The following MED31 variants were observed in gnomAD, a reference collection of about 807,000 sequenced individuals.
MED31 encodes the protein mediator complex subunit 31.
In MED31, 11 loss-of-function variants were observed where a neutral mutation model predicts 22.0. The observed-to-expected ratio is 0.50, with a 90% CI of 0.31 to 0.83. The LOEUF (loss-of-function observed/expected upper bound fraction) is 0.83, where lower values mean the gene tolerates loss of function less well. Ranked by LOEUF, MED31 falls within the 40% of genes least tolerant of loss-of-function variation. MED31 has a pLI of 0.04. For missense variants in MED31, 122 were observed against 155.3 expected, an observed-to-expected ratio of 0.79 and a Z score of 1.14; for synonymous variants, 60 against 55.1, an observed-to-expected ratio of 1.09 and a Z score of -0.40.
chr17:6,650,985 G>C (rs1185724345), intron 1 of MED31, among the ~76,000 whole-genome samples: 1 of 151,562 alleles, frequency 6.6e-6, no homozygotes, highest in Non-Finnish European at 1.5e-5. Context: ...GCCGGGAGCG[G>C]TGGCGGGCTC....
At chr17:6,650,171 C>A in intron 2 of MED31, 93 bp from the exon 3 acceptor site, 1 of 1,294,874 alleles carries the variant, frequency 7.7e-7, no homozygotes, top group Non-Finnish European at 1.1e-6. Context: ...TTACATAACA[C>A]CCCCACCACC....
chr17:6,651,521 G>C lies in MED31; in HGVS notation c.8C>G (p.Ala3Gly), dbSNP rs765183572. Residue 3 changes from alanine to glycine, a missense_variant, in exon 1 of 4, where the codon GCT becomes GGT. Transcript: ENST00000225728. Reference protein sequence around the residue: MAAAVAMETDDAG... With the variant: MAGAVAMETDDAG... The stretch of plus-strand genomic sequence containing the variant: ...CTCACCTGTCTCCATAGCGACAGCA[G>C]CGGCCATAACAAACGAAGACACCAA... 5.0e-6 allele frequency: 8 copies of C among 1,613,908 alleles called. No homozygotes were observed. In the Admixed American group the frequency reaches 1.3e-4, roughly 27 times the overall value.
intron 3 of MED31, among the ~76,000 whole-genome samples, chr17:6,646,683 G>C (rs1972771378): frequency 6.6e-6 from 1 of 152,340 alleles, no homozygotes; most frequent in East Asian, 1.9e-4. Flanking sequence ...AAGGCCGCAG[G>C]GACCCCTGCC....
intron 3 of MED31, among the ~76,000 whole-genome samples, chr17:6,646,125 G>A (rs1479651823): frequency 6.6e-6 from 1 of 152,084 alleles, no homozygotes; most frequent in African/African-American, 2.4e-5. Context: ...TGCAACATAC[G>A]GGCCTAGACT....
At chr17:6,649,683 G>C (rs780712475) in intron 3 of MED31, among the ~76,000 whole-genome samples, 7 of 152,192 alleles carry the variant, frequency 4.6e-5, no homozygotes, top group Non-Finnish European at 8.8e-5. Context: ...TTCTAAGCAA[G>C]AAAGTAAAGT....
chr17:6,646,510 C>G (rs965416041), intron 3 of MED31, among the ~76,000 whole-genome samples: 3 of 152,164 alleles, frequency 2.0e-5, no homozygotes, highest in African/African-American at 4.8e-5. Flanking sequence ...AATTTAGCCC[C>G]AACTCTGTGC....
At position 6,650,711 on chromosome 17, in the gene MED31, A is replaced by C. The variant is rs564657294; in HGVS notation, c.29-278T>G. Among the ~76,000 whole-genome samples, 5 of 152,332 alleles carry C rather than the reference A, an allele frequency of 3.3e-5. No individual in the cohort carries two copies. The South Asian group carries it at 1.0e-3, about 32-fold the overall frequency. On this transcript the variant is annotated intron_variant, in intron 1 of 3. Coordinates refer to ENST00000225728, the MANE Select transcript of MED31 (RefSeq NM_016060.3). ...ACCACTCGTGGGCCACTATGTAGGA[A>C]TTTTAACAGTGATCACTAAGGTAGG...
At chr17:6,646,607 A>G (rs1306226316) in intron 3 of MED31, among the ~76,000 whole-genome samples, 3 of 152,250 alleles carry the variant, frequency 2.0e-5, no homozygotes, top group Non-Finnish European at 4.4e-5. Context: ...GTTTGCAGGC[A>G]GTATGCTTGG....
intron 3 of MED31, 61 bp from the exon 4 acceptor site, chr17:6,644,720 A>G: frequency 6.8e-7 from 1 of 1,465,460 alleles, no homozygotes; most frequent in Non-Finnish European, 9.0e-7. Flanking sequence ...CCAAGGTATA[A>G]TTCAGTTATT....
chr17:6,647,834 A>C (rs1378307589), intron 3 of MED31, among the ~76,000 whole-genome samples: 4 of 152,250 alleles, frequency 2.6e-5, no homozygotes, highest in Non-Finnish European at 5.9e-5. Flanking sequence ...CTGTAAAATA[A>C]TGTGACAACC....
intron 1 of MED31, among the ~76,000 whole-genome samples, chr17:6,650,963 C>CA (rs1208134657): frequency 1.4e-4 from 21 of 150,692 alleles, no homozygotes; most frequent in African/African-American, 4.9e-4. Context: ...ACTAAAAATA[C>CA]AAAAAAAATT....
chr17:6,644,021 G>A lies in MED31; in HGVS notation c.*446C>T, dbSNP rs549442180. The stretch of plus-strand genomic sequence containing the variant: ...CCTGTCCTATGATTTAAAGAGGTCA[G>A]TGACTCCGCTACTCTCACTACATCT... On this transcript the variant is annotated 3_prime_UTR_variant, in exon 4 of 4. Coordinates refer to ENST00000225728, the MANE Select transcript of MED31 (RefSeq NM_016060.3). The A allele has an allele frequency of 2.0e-4, 81 of 399,954 alleles. No individual in the cohort carries two copies. Among genetic ancestry groups the A allele is most frequent in the Admixed American group, 4.3e-4 (10 of 23,078 alleles). 24.8% of individuals were successfully genotyped at this position (399,954 alleles called of 1,614,324 possible). A position where few individuals can be genotyped will look rare whatever the true frequency, so the allele number is the denominator to read the frequency against.
rs897326373 is a variant in MED31, at chr17:6,645,958, C to T, written c.204-1299G>A. ...ATATGGAGAAACCTAGACGGTACCACCCTCAACCAAGTTACCAAAATTTAC... is the reference window on the plus strand; with the variant it reads ...ATATGGAGAAACCTAGACGGTACCATCCTCAACCAAGTTACCAAAATTTAC... On this transcript the variant is annotated intron_variant, in intron 3 of 3. Transcript: ENST00000225728. 2.6e-4 allele frequency among the ~76,000 whole-genome samples: 40 copies of T among 152,122 alleles called. 2 individuals are homozygous for T. Among genetic ancestry groups the T allele is most frequent in the Non-Finnish European group, 8.8e-5 (6 of 68,026 alleles).
rs555082941 is a variant in MED31 at position 6,646,835 on chromosome 17, C to T, written c.204-2176G>A. Among the ~76,000 whole-genome samples, 3 of 152,284 alleles carry T rather than the reference C, an allele frequency of 2.0e-5. No individual in the cohort carries two copies. The South Asian group carries it at 6.2e-4, about 32-fold the overall frequency. On this transcript the variant is annotated intron_variant, in intron 3 of 3. Coordinates refer to ENST00000225728, the MANE Select transcript of MED31 (RefSeq NM_016060.3). ...GAGGAGGAGTAGTGAAAGAGGGAGG[C>T]CTCTTTGCAGTTGAGATAAGATGAA...
intron 1 of MED31, 78 bp from the exon 2 acceptor site, chr17:6,650,511 A>G: frequency 1.5e-6 from 2 of 1,351,672 alleles, no homozygotes; most frequent in East Asian, 2.3e-5. Flanking sequence ...GGAAAGAGCA[A>G]TAAAGAAACC....
rs1972727495 is a variant in MED31 at position 6,643,768 on chromosome 17, T to C, written c.*699A>G. On this transcript the variant is annotated 3_prime_UTR_variant, in exon 4 of 4. Coordinates refer to ENST00000225728, the MANE Select transcript of MED31 (RefSeq NM_016060.3). The stretch of plus-strand genomic sequence containing the variant: ...GGAAGCACTTAACATAGCACCTGGT[T>C]TGTGGTACCTCCCAAATCAATGGTA... The C allele has an allele frequency of 4.6e-6, 1 of 216,712 alleles. No homozygotes were observed. The highest frequency in any genetic ancestry group is 2.3e-5 in the African/African-American group (1 of 44,046). 13.4% of individuals were successfully genotyped at this position (216,712 alleles called of 1,614,324 possible). A position where few individuals can be genotyped will look rare whatever the true frequency, so the allele number is the denominator to read the frequency against.
In MED31 at chr17:6,644,623, T is replaced by C. The variant is rs143604195; in HGVS notation, c.240A>G (p.Gln80=). Residue 80 remains glutamine (Q), a synonymous_variant, in exon 4 of 4, where the codon CAA becomes CAG. Coordinates refer to ENST00000225728, the MANE Select transcript of MED31 (RefSeq NM_016060.3). ...PQCLHMLELL[Q]YEHFRKELVN... ...CCAGCTCCTTTCGGAAGTGTTCATA[T>C]TGGAGCAGCTCTAACATGTGTAAAC... The C allele has an allele frequency of 1.3e-4, 204 of 1,610,492 alleles. No individual in the cohort carries two copies. The highest frequency in any genetic ancestry group is 4.9e-4 in the Middle Eastern group (3 of 6,082).
intron 3 of MED31, among the ~76,000 whole-genome samples, chr17:6,648,315 C>T (rs1972788292): frequency 6.6e-6 from 1 of 152,226 alleles, no homozygotes; most frequent in Admixed American, 6.5e-5. Flanking sequence ...ACTCTGGACA[C>T]CATGGCACAA....
intron 3 of MED31, among the ~76,000 whole-genome samples, chr17:6,645,175 T>C (rs1019432243): frequency 6.6e-6 from 1 of 152,128 alleles, no homozygotes; most frequent in South Asian, 2.1e-4. Context: ...ATACTGTGGA[T>C]AAGGACAGCC....
Sources: allele counts gnomAD v4.1 joint callset (sites outside exome capture counted in the v4.1 genomes callset), GRCh38; gene constraint gnomAD v4.1.1; transcripts MANE v1.5; gene names NCBI Gene and HGNC (gene_info 2026-07-23, HGNC 2026-07-21).